HPN: variants seen among roughly 807,000 people sequenced by gnomAD.
HPN encodes serine protease hepsin.
In HPN, 13 loss-of-function variants were observed where a neutral mutation model predicts 55.9. The observed-to-expected ratio is 0.23, with a 90% CI of 0.15 to 0.37. The LOEUF (loss-of-function observed/expected upper bound fraction) is 0.37, where lower values mean the gene tolerates loss of function less well. Ranked by LOEUF, HPN falls within the 10% of genes least tolerant of loss-of-function variation. The pLI, the probability that HPN is intolerant of heterozygous loss-of-function variation, is 1.00. For synonymous variants in HPN, 225 were observed against 240.3 expected (o/e 0.94, Z 0.59); for missense variants, 451 against 575.8 (o/e 0.78, Z 2.22).
intron 2 of HPN, among the ~76,000 whole-genome samples, chr19:35,044,915 G>C (rs979414073): frequency 6.6e-6 from 1 of 152,008 alleles, no homozygotes; most frequent in Non-Finnish European, 1.5e-5. Context: ...AGAGAAAGAA[G>C]GAAACGGGGG....
At position 35,059,817 on chromosome 19, in the gene HPN, C is replaced by G. The variant is rs1210598766; in HGVS notation, c.290+15C>G. 6.5e-7 allele frequency: 1 copy of G among 1,547,186 alleles called. No homozygotes were observed. Among genetic ancestry groups the G allele is most frequent in the Admixed American group, 1.9e-5 (1 of 51,970 alleles). ...GGCTTCCTCAGGTACTGGGGGCCCT[C>G]GGAGGGGTGGGAGCCGGGAGGGGCT... On this transcript the variant is annotated intron_variant, in intron 5 of 12. Transcript: ENST00000672452.
intron 4 of HPN, 35 bp downstream of exon 4, chr19:35,049,551 C>A (rs1177505222): frequency 1.9e-6 from 3 of 1,571,810 alleles, no homozygotes; most frequent in Admixed American, 1.9e-5. Flanking sequence ...CTGGGGGAGC[C>A]CTGGAGGACA....
At chr19:35,062,571 A>G (rs561018096) in intron 9 of HPN, among the ~76,000 whole-genome samples, 1 of 152,254 alleles carries the variant, frequency 6.6e-6, no homozygotes, top group South Asian at 2.1e-4. Flanking sequence ...GATTAAAAGC[A>G]GGCCCTGGGC....
chr19:35,062,072 AAGAAAGAAAG>A (rs2064540919), intron 9 of HPN, among the ~76,000 whole-genome samples: 1 of 152,116 alleles, frequency 6.6e-6, no homozygotes, highest in African/African-American at 2.4e-5. Context: ...AAAAAGAAGA[AAGAAAGAAAG>A]AGAAAGAAAA....
rs769316154 is a variant in HPN, at chr19:35,065,364, C to T, written c.907+19C>T. The T allele has an allele frequency of 6.2e-7, 1 of 1,601,240 alleles. No homozygotes were observed. Among genetic ancestry groups the T allele is most frequent in the Non-Finnish European group, 8.5e-7 (1 of 1,169,946 alleles). Reference sequence around the variant, plus strand: ...TACTATGGTGAGTCCTGTCCTCTGCCTCTGATGCCACCGTTTGGGAGACTC... The same window carrying T: ...TACTATGGTGAGTCCTGTCCTCTGCTTCTGATGCCACCGTTTGGGAGACTC... On this transcript the variant is annotated intron_variant, in intron 10 of 12. Coordinates refer to ENST00000672452, the MANE Select transcript of HPN (RefSeq NM_001384133.1).
chr19:35,047,947 G>A (rs747902615), intron 2 of HPN, among the ~76,000 whole-genome samples: 2 of 148,610 alleles, frequency 1.3e-5, no homozygotes, highest in African/African-American at 2.5e-5. Flanking sequence ...CCATGATCGC[G>A]CCGCTGCACT....
chr19:35,064,583 C>T (rs981565951), intron 9 of HPN, among the ~76,000 whole-genome samples: 4 of 151,896 alleles, frequency 2.6e-5, no homozygotes, highest in Non-Finnish European at 5.9e-5. Context: ...AGCCATGTTC[C>T]TGCCACTGCA....
upstream of HPN, chr19:35,041,676 C>CCG: frequency 4.3e-5 from 47 of 1,103,698 alleles, no homozygotes; most frequent in Middle Eastern, 4.2e-4. Context: ...GGTCCGGCCC[C>CCG]TCCCCGCCCC....
chr19:35,064,638 G>A (rs562573441), intron 9 of HPN, among the ~76,000 whole-genome samples: 1 of 152,118 alleles, frequency 6.6e-6, no homozygotes, highest in African/African-American at 2.4e-5. Flanking sequence ...AAAACAAGCT[G>A]TGTTAAAACA....
Position 35,048,071 on chromosome 19 carries a change from A to G in HPN, c.17-1219A>G, listed in dbSNP as rs1568356373. Among the ~76,000 whole-genome samples the G allele has an allele frequency of 6.6e-3, 348 of 52,956 alleles. 7 individuals carry two copies. Among genetic ancestry groups the G allele is most frequent in the African/African-American group, 0.032 (302 of 9,394 alleles). The allele number at this position is 52,956 out of a possible 152,430, so 34.7% of individuals were successfully genotyped here. On this transcript the variant is annotated intron_variant, in intron 2 of 12. Coordinates refer to ENST00000672452, the MANE Select transcript of HPN (RefSeq NM_001384133.1). ...AAGAAAGAAAGAAAGAAAGAAAGAA[A>G]GAAAGAAAGAAAAGGAAGGAAGGAA...
chr19:35,042,465 C>T lies in HPN; in HGVS notation c.-42C>T, dbSNP rs774258927. 5.0e-6 allele frequency: 8 copies of T among 1,594,380 alleles called. No individual in the cohort carries two copies. The highest frequency in any genetic ancestry group is 3.5e-5 in the Admixed American group (2 of 56,970). On this transcript the variant is annotated 5_prime_UTR_variant, in exon 2 of 13. Coordinates refer to ENST00000672452, the MANE Select transcript of HPN (RefSeq NM_001384133.1). Reference sequence around the variant, plus strand: ...CATCTCCTCACAGGTCCCACCCTGGCCCAGGAGGTCAGCCAGGGAATCATT... The same window carrying T: ...CATCTCCTCACAGGTCCCACCCTGGTCCAGGAGGTCAGCCAGGGAATCATT...
At chr19:35,065,838 CT>C in intron 11 of HPN, 29 bp from the exon 12 acceptor site, 1 of 1,612,388 alleles carries the variant, frequency 6.2e-7, no homozygotes, top group Non-Finnish European at 8.5e-7. Flanking sequence ...CCACTTTGGC[CT>C]TCAGCCAGAC....
At chr19:35,062,662 C>A (rs1018480157) in intron 9 of HPN, among the ~76,000 whole-genome samples, 1 of 152,078 alleles carries the variant, frequency 6.6e-6, no homozygotes, top group South Asian at 2.1e-4. Flanking sequence ...GTGGGGGTAT[C>A]GCTTGAGCTC....
chr19:35,065,972 G>A lies in HPN; in HGVS notation c.1155G>A (p.Gln385=). ...GGGGCACTGGCTGTGCCCTGGCCCA[G>A]AAGCCAGGCGTCTACACCAAAGTCA... is the stretch of plus-strand genomic sequence containing the variant. The part of the protein sequence containing the change: ...VSWGTGCALA[Q]KPGVYTKVSD... The change falls in exon 12 of 13, where the codon CAG becomes CAA. Residue 385 remains glutamine (Q), a synonymous_variant. Coordinates refer to ENST00000672452, the MANE Select transcript of HPN (RefSeq NM_001384133.1). 3.1e-6 allele frequency: 5 copies of A among 1,613,532 alleles called. No individual in the cohort carries two copies. The South Asian group carries it at 5.5e-5, about 18-fold the overall frequency.
chr19:35,056,214 T>C (rs1672980), intron 4 of HPN, among the ~76,000 whole-genome samples: 120,232 of 151,740 alleles, frequency 0.79, 47,745 homozygotes, highest in Admixed American at 0.86. Context: ...CCACCCTCCA[T>C]GCCGGCACTC....
chr19:35,059,097 T>G (rs535418163), intron 4 of HPN: 3 of 171,306 alleles, frequency 1.8e-5, no homozygotes, highest in African/African-American at 7.2e-5. Context: ...AGAGTGAAGT[T>G]CCCCTGGTTC....
chr19:35,052,534 C>CAA (rs5827918), intron 4 of HPN, among the ~76,000 whole-genome samples: 46 of 84,526 alleles, frequency 5.4e-4, no homozygotes, highest in African/African-American at 1.7e-3. Context: ...GAGTCTGTCT[C>CAA]AAAAAAAAAA....
chr19:35,050,012 C>T (rs896964995), intron 4 of HPN, among the ~76,000 whole-genome samples: 1 of 152,108 alleles, frequency 6.6e-6, no homozygotes, highest in African/African-American at 2.4e-5. Context: ...CTATGGGCTA[C>T]ATCAGGATGT....
Position 35,056,682 on chromosome 19 carries a change from C to T in HPN, c.161-2991C>T, listed in dbSNP as rs183531581. Among the ~76,000 whole-genome samples, 5 of 152,276 alleles carry T rather than the reference C, an allele frequency of 3.3e-5. No individual in the cohort carries two copies. In the South Asian group the frequency reaches 1.0e-3, roughly 32 times the overall value. The stretch of plus-strand genomic sequence containing the variant: ...GGTGACATTTTATGGCCATCTGTCT[C>T]CCTATCCCCTATAATGTGGTTTGCC... On this transcript the variant is annotated intron_variant, in intron 4 of 12. Coordinates refer to ENST00000672452, the MANE Select transcript of HPN (RefSeq NM_001384133.1).
Sources: gnomAD v4.1 joint callset for allele counts (sites outside exome capture counted in the v4.1 genomes callset) on GRCh38, gnomAD v4.1.1 for gene constraint, MANE v1.5 for transcripts, NCBI Gene and HGNC (gene_info 2026-07-23, HGNC 2026-07-21) for gene names.